Variants in EIPR1 observed in about 807,000 individuals in gnomAD.
The protein encoded by EIPR1 is EARP complex and GARP complex interacting protein 1.
In EIPR1, 25 loss-of-function variants were observed where a neutral mutation model predicts 48.1. That is an observed-to-expected ratio of 0.52 (90% CI 0.38 to 0.73). The LOEUF (loss-of-function observed/expected upper bound fraction) is 0.73. Among genes scored for constraint, EIPR1 ranks in the 30% least tolerant of loss-of-function variants. The pLI is 0.00. For missense variants in EIPR1, 415 were observed against 506.2 expected, an observed-to-expected ratio of 0.82 and a Z score of 1.73; for synonymous variants, 204 against 201.9, an observed-to-expected ratio of 1.01 and a Z score of -0.09.
intron 1 of EIPR1, among the ~76,000 whole-genome samples, chr2:3,356,655 A>T (rs1670736798): frequency 6.6e-6 from 1 of 152,234 alleles, no homozygotes; most frequent in South Asian, 2.1e-4. Flanking sequence ...TGATGTGCTT[A>T]GATTAAGGAC....
chr2:3,377,423 G>A, intron 1 of EIPR1: 1 of 481,416 alleles, frequency 2.1e-6, no homozygotes, highest in Non-Finnish European at 3.7e-6. Flanking sequence ...TTCGGGACAG[G>A]ATGTGAAGGG....
chr2:3,240,862 C>A (rs77795122), intron 4 of EIPR1, among the ~76,000 whole-genome samples: 30 of 75,058 alleles, frequency 4.0e-4, no homozygotes, highest in East Asian at 2.3e-3. Context: ...CAGCAGATCC[C>A]TCCTAAAGCA....
chr2:3,217,366 A>C (rs527337819), intron 4 of EIPR1, among the ~76,000 whole-genome samples: 1 of 152,314 alleles, frequency 6.6e-6, no homozygotes, highest in South Asian at 2.1e-4. Flanking sequence ...TCTAGCTAAA[A>C]AGTAGTAAAC....
At chr2:3,243,668 T>A (rs1341808226) in intron 4 of EIPR1, among the ~76,000 whole-genome samples, 1 of 152,166 alleles carries the variant, frequency 6.6e-6, no homozygotes, top group African/African-American at 2.4e-5. Flanking sequence ...TAAAAATTTT[T>A]TTTAAAAATT....
chr2:3,192,346 T>C (rs901642500), intron 8 of EIPR1, 68 bp downstream of exon 8: 3 of 1,481,180 alleles, frequency 2.0e-6, no homozygotes, highest in Non-Finnish European at 2.7e-6. Context: ...ACAGCCTGGC[T>C]CGGGAGATGG....
At chr2:3,348,923 G>C (rs1163637101) in intron 2 of EIPR1, among the ~76,000 whole-genome samples, 3 of 152,200 alleles carry the variant, frequency 2.0e-5, no homozygotes, top group Non-Finnish European at 2.9e-5. Context: ...GAGCCTTCCC[G>C]GCGTCTCTCC....
intron 2 of EIPR1, 61 bp downstream of exon 2, chr2:3,354,488 TG>T (rs1044992399): frequency 2.2e-5 from 32 of 1,476,062 alleles, no homozygotes; most frequent in Non-Finnish European, 2.9e-5. Context: ...CAGAGCAAAA[TG>T]GTTATAAAAC....
intron 1 of EIPR1, among the ~76,000 whole-genome samples, chr2:3,376,403 C>T (rs1659885688): frequency 6.6e-6 from 1 of 151,604 alleles, no homozygotes; most frequent in South Asian, 2.1e-4. Context: ...TACTTAAAAA[C>T]AGACATTGGC....
rs562237117 is a variant in EIPR1 at position 3,322,916 on chromosome 2, G to A, written c.259+15101C>T. ...CCTCCCGCAGCTGCCGAAGCGAGTG[G>A]GTGATCTGGCTGGGATGCCTTGGCG... On this transcript the variant is annotated intron_variant, in intron 3 of 8. Coordinates refer to ENST00000382125, the MANE Select transcript of EIPR1 (RefSeq NM_003310.5). Among the ~76,000 whole-genome samples, 242 of 152,348 alleles carry A rather than the reference G, an allele frequency of 1.6e-3. 12 individuals are homozygous for A. The South Asian group carries it at 0.047, about 30-fold the overall frequency.
chr2:3,241,028 A>G (rs890676178), intron 4 of EIPR1, among the ~76,000 whole-genome samples: 2 of 151,374 alleles, frequency 1.3e-5, no homozygotes, highest in Non-Finnish European at 3.0e-5. Context: ...AAGCAAAGCC[A>G]GCAGATCCTT....
intron 1 of EIPR1, among the ~76,000 whole-genome samples, chr2:3,376,683 T>A (rs1659895020): frequency 9.7e-6 from 1 of 103,450 alleles, no homozygotes; most frequent in African/African-American, 3.5e-5. Context: ...GGAGCAAGAC[T>A]CCATCTCAAA....
chr2:3,294,733 G>GC (rs1337365705), intron 3 of EIPR1, among the ~76,000 whole-genome samples: 3 of 99,996 alleles, frequency 3.0e-5, no homozygotes, highest in Non-Finnish European at 5.8e-5. Context: ...CCTCCATCCA[G>GC]CCATCCTCTC....
At chr2:3,204,583 C>T (rs899162223) in intron 5 of EIPR1, among the ~76,000 whole-genome samples, 2 of 152,164 alleles carry the variant, frequency 1.3e-5, no homozygotes, top group Non-Finnish European at 1.5e-5. Context: ...TGATTAAAGG[C>T]GCCCACAAAA....
At chr2:3,370,663 T>G (rs987947035) in intron 1 of EIPR1, among the ~76,000 whole-genome samples, 4 of 151,816 alleles carry the variant, frequency 2.6e-5, no homozygotes, top group African/African-American at 9.7e-5. Flanking sequence ...ATGAATGAAA[T>G]GAAGCGAGAA....
At chr2:3,346,008 G>C (rs1285933405) in intron 2 of EIPR1, among the ~76,000 whole-genome samples, 1 of 152,208 alleles carries the variant, frequency 6.6e-6, no homozygotes. Context: ...TTATGAAACA[G>C]ATGACTGGGG....
chr2:3,327,309 G>A (rs575659714), intron 3 of EIPR1, among the ~76,000 whole-genome samples: 2 of 152,140 alleles, frequency 1.3e-5, no homozygotes, highest in East Asian at 1.9e-4. Flanking sequence ...TCAGCCTCTC[G>A]AGTAGCTGGG....
chr2:3,238,388 G>T (rs1478868012), intron 4 of EIPR1, among the ~76,000 whole-genome samples: 3 of 152,224 alleles, frequency 2.0e-5, no homozygotes, highest in Non-Finnish European at 4.4e-5. Flanking sequence ...GGGAGGTCCT[G>T]TCGCCTGCAC....
chr2:3,213,028 TCAGCCTAGAGGGCTGAG>T (rs1437095945), intron 5 of EIPR1, among the ~76,000 whole-genome samples: 1 of 152,176 alleles, frequency 6.6e-6, no homozygotes, highest in Non-Finnish European at 1.5e-5. Context: ...TACCACCTCG[TCAGCCTAGAGGGCTGAG>T]GAAAGGACTT....
At chr2:3,363,632 C>G (rs1379543974) in intron 1 of EIPR1, among the ~76,000 whole-genome samples, 2 of 152,044 alleles carry the variant, frequency 1.3e-5, no homozygotes, top group South Asian at 4.1e-4. Context: ...CTGCAATGAG[C>G]AGAGACTGCA....
Sources: allele counts gnomAD v4.1 joint callset (sites outside exome capture counted in the v4.1 genomes callset), GRCh38; gene constraint gnomAD v4.1.1; transcripts MANE v1.5; gene names NCBI Gene and HGNC (gene_info 2026-07-23, HGNC 2026-07-21).